The following ELL2 variants were observed in gnomAD, a reference collection of about 807,000 sequenced individuals.
The protein encoded by ELL2 is elongation factor for RNA polymerase II 2.
A neutral mutation model predicts 72.8 loss-of-function variants in ELL2; 21 were observed. That is an observed-to-expected ratio of 0.29 (90% CI 0.20 to 0.42). The LOEUF is 0.42. Among genes scored for constraint, ELL2 ranks in the 10% least tolerant of loss-of-function variants. The pLI is 1.00. For missense variants in ELL2, 568 were observed against 772.8 expected (o/e 0.73, Z 3.14); for synonymous variants, 266 against 283.2 (o/e 0.94, Z 0.61).
At chr5:95,946,344 A>C (rs1751158777) in intron 1 of ELL2, among the ~76,000 whole-genome samples, 2 of 152,220 alleles carry the variant, frequency 1.3e-5, no homozygotes, top group Non-Finnish European at 2.9e-5. Flanking sequence ...CAGACACCAA[A>C]GAAAGATGAT....
Sources: allele counts gnomAD v4.1 joint callset (sites outside exome capture counted in the v4.1 genomes callset), GRCh38; gene constraint gnomAD v4.1.1; transcripts MANE v1.5; gene names NCBI Gene and HGNC (gene_info 2026-07-23, HGNC 2026-07-21).